Variants in COMMD1 observed in about 807,000 individuals in gnomAD.
COMMD1 encodes COMM domain-containing protein 1.
A neutral mutation model predicts 17.2 loss-of-function variants in COMMD1; 10 were observed. That is an observed-to-expected ratio of 0.58 (90% confidence interval 0.36 to 0.99). The LOEUF is 0.99. Among genes scored for constraint, COMMD1 ranks in the 50% least tolerant of loss-of-function variants. COMMD1 has a pLI of 0.01. For missense variants in COMMD1, 270 were observed against 231.8 expected, an observed-to-expected ratio of 1.17 and a Z score of -1.07; for synonymous variants, 97 against 91.6, an observed-to-expected ratio of 1.06 and a Z score of -0.34.
At chr2:62,052,602 T>C (rs1297268199) in intron 2 of COMMD1, among the ~76,000 whole-genome samples, 4 of 152,232 alleles carry the variant, frequency 2.6e-5, no homozygotes, top group Admixed American at 1.3e-4. Context: ...TGTTAACATA[T>C]TCACATAATC....
rs117146354 is a variant in COMMD1 at position 62,046,906 on chromosome 2, G to A, written c.462+45924G>A. Among the ~76,000 whole-genome samples the A allele has an allele frequency of 1.4e-4, 21 of 152,220 alleles. No individual in the cohort carries two copies. In the East Asian group the frequency reaches 3.5e-3, roughly 25 times the overall value. On this transcript the variant is annotated intron_variant, in intron 2 of 2. Coordinates refer to ENST00000311832, the MANE Select transcript of COMMD1 (RefSeq NM_152516.4). The stretch of plus-strand genomic sequence containing the variant: ...CAAATAAAATGTTTGGTTTCTCTCC[G>A]GTATCTTTGGATGCAAAGTAGTGGT...
chr2:61,917,945 A>G (rs759791194), intron 1 of COMMD1, among the ~76,000 whole-genome samples: 1 of 152,248 alleles, frequency 6.6e-6, no homozygotes, highest in Non-Finnish European at 1.5e-5. Flanking sequence ...AGAGACTGGT[A>G]ACTTTTGACT....
chr2:61,927,013 C>A (rs1165423173), intron 1 of COMMD1, among the ~76,000 whole-genome samples: 1 of 152,124 alleles, frequency 6.6e-6, no homozygotes, highest in Non-Finnish European at 1.5e-5. Context: ...GGCAACACTT[C>A]ATTCAATAAA....
intron 1 of COMMD1, among the ~76,000 whole-genome samples, chr2:61,951,002 G>T (rs1001427538): frequency 1.3e-5 from 2 of 152,200 alleles, no homozygotes; most frequent in African/African-American, 2.4e-5. Flanking sequence ...GAGGAGAGGG[G>T]TTTAGGGCTT....
intron 2 of COMMD1, among the ~76,000 whole-genome samples, chr2:62,007,642 A>G (rs897717873): frequency 6.6e-6 from 1 of 152,194 alleles, no homozygotes; most frequent in African/African-American, 2.4e-5. Context: ...TATTCAGTAC[A>G]GTAATGCCCT....
At chr2:61,980,886 T>A (rs1169492560) in intron 1 of COMMD1, among the ~76,000 whole-genome samples, 14 of 152,222 alleles carry the variant, frequency 9.2e-5, no homozygotes, top group Admixed American at 9.2e-4. Context: ...AGTTTTGATT[T>A]GCATTTCTTT....
At chr2:61,976,108 G>A (rs1003134753) in intron 1 of COMMD1, among the ~76,000 whole-genome samples, 7 of 151,424 alleles carry the variant, frequency 4.6e-5, no homozygotes, top group Middle Eastern at 3.4e-3. Flanking sequence ...CAGTTCTATC[G>A]GTTTTTGCGT....
intron 1 of COMMD1, among the ~76,000 whole-genome samples, chr2:61,912,023 T>C (rs1351711896): frequency 6.6e-6 from 1 of 152,194 alleles, no homozygotes; most frequent in Admixed American, 6.5e-5. Context: ...TTCCCTGACT[T>C]ATATTATAAA....
intron 1 of COMMD1, among the ~76,000 whole-genome samples, chr2:61,929,863 GTAGTGAGC>G (rs1670418712): frequency 6.6e-6 from 1 of 152,018 alleles, no homozygotes; most frequent in South Asian, 2.1e-4. Flanking sequence ...GGACAAGGCT[GTAGTGAGC>G]TAGTGAGCTG....
At chr2:62,052,448 C>T (rs913819065) in intron 2 of COMMD1, among the ~76,000 whole-genome samples, 1 of 152,160 alleles carries the variant, frequency 6.6e-6, no homozygotes, top group Admixed American at 6.5e-5. Context: ...ACTTTTCCAT[C>T]AGATTATTCC....
intron 1 of COMMD1, among the ~76,000 whole-genome samples, chr2:61,938,280 C>T (rs1469630088): frequency 7.8e-6 from 1 of 127,992 alleles, no homozygotes; most frequent in Admixed American, 7.9e-5. Flanking sequence ...ATTAAGAGAC[C>T]AAAAAAAAAA....
chr2:62,076,224 T>A (rs1671333482), intron 2 of COMMD1, among the ~76,000 whole-genome samples: 1 of 152,104 alleles, frequency 6.6e-6, no homozygotes, highest in Non-Finnish European at 1.5e-5. Flanking sequence ...ATGAATCAGA[T>A]TCCTGTTGGA....
chr2:61,970,434 T>A (rs1275236603), intron 1 of COMMD1, among the ~76,000 whole-genome samples: 1 of 152,118 alleles, frequency 6.6e-6, no homozygotes, highest in Non-Finnish European at 1.5e-5. Flanking sequence ...AATAGTGTGG[T>A]ATTTGCATAT....
At chr2:61,937,145 G>C (rs1275021386) in intron 1 of COMMD1, among the ~76,000 whole-genome samples, 1 of 152,166 alleles carries the variant, frequency 6.6e-6, no homozygotes, top group Non-Finnish European at 1.5e-5. Flanking sequence ...AAAGCCTCCA[G>C]GTAGCAGACT....
intron 1 of COMMD1, among the ~76,000 whole-genome samples, chr2:61,898,957 T>TG (rs1371996669): frequency 6.6e-6 from 1 of 152,174 alleles, no homozygotes; most frequent in Middle Eastern, 3.2e-3. Context: ...ATTCTAAAAA[T>TG]GCAGCTGCTA....
intron 1 of COMMD1, chr2:61,915,792 G>C (rs1670033027): frequency 5.1e-6 from 2 of 394,668 alleles, no homozygotes; most frequent in Admixed American, 6.3e-5. Flanking sequence ...CACCACGCTT[G>C]GCCTTTTATA....
chr2:61,935,235 C>A (rs1670573767), intron 1 of COMMD1, among the ~76,000 whole-genome samples: 1 of 152,150 alleles, frequency 6.6e-6, no homozygotes, highest in South Asian at 2.1e-4. Context: ...TGCAAGACAG[C>A]AGGATCCAAT....
In COMMD1 at chr2:62,007,293, T is replaced by C. The variant is rs191671361; in HGVS notation, c.462+6311T>C. Reference sequence around the variant, plus strand: ...CCAACTCATATGCTCACTCCTGTCATTTATAAGCAATTAGATGAGGGGGAT... The same window carrying C: ...CCAACTCATATGCTCACTCCTGTCACTTATAAGCAATTAGATGAGGGGGAT... On this transcript the variant is annotated intron_variant, in intron 2 of 2. Transcript: ENST00000311832. 2.6e-5 allele frequency among the ~76,000 whole-genome samples: 4 copies of C among 152,282 alleles called. No individual in the cohort carries two copies. In the East Asian group the frequency reaches 7.7e-4, roughly 29 times the overall value.
At position 62,073,261 on chromosome 2, in the gene COMMD1, C is replaced by G. The variant is rs74989745; in HGVS notation, c.463-62570C>G. Among the ~76,000 whole-genome samples the G allele has an allele frequency of 3.1e-3, 471 of 152,330 alleles. 1 individual carries two copies. The highest frequency in any genetic ancestry group is 0.011 in the African/African-American group (449 of 41,578). ...GTTAATGCAACTGGGCCTTCCCTTT[C>G]TAGGCCTTTCCTGCATCTAGGAGAG... On this transcript the variant is annotated intron_variant, in intron 2 of 2. Transcript: ENST00000311832.
Sources: allele counts gnomAD v4.1 joint callset (sites outside exome capture counted in the v4.1 genomes callset), GRCh38; gene constraint gnomAD v4.1.1; transcripts MANE v1.5; gene names NCBI Gene and HGNC (gene_info 2026-07-23, HGNC 2026-07-21).